Variants in RIOK3 observed in about 807,000 individuals in gnomAD.
The protein encoded by RIOK3 is RIO kinase 3, also known as serine/threonine-protein kinase RIO3.
RIOK3 carries 40 observed loss-of-function variants against 63.5 expected under a neutral mutation model. The ratio of observed to expected loss-of-function variants is 0.63; its 90% confidence interval spans 0.49 to 0.82. The LOEUF is 0.82. RIOK3 is among the 40% of genes least tolerant of loss of function. The pLI is 0.00. For missense variants in RIOK3, 557 were observed against 637.0 expected (o/e 0.87, Z 1.35); for synonymous variants, 193 against 205.0 (o/e 0.94, Z 0.50).
intron 9 of RIOK3, among the ~76,000 whole-genome samples, chr18:23,475,941 C>CTTTTT (rs374984418): frequency 2.5e-5 from 2 of 80,018 alleles, no homozygotes; most frequent in Non-Finnish European, 4.8e-5. Context: ...TTTTTTGGGG[C>CTTTTT]TTTTTTTTTT....
rs542259930 is a variant in RIOK3 at position 23,453,379 on chromosome 18, G to A, written c.-61G>A. ...CCCGTGTCCCGCCTGTCTCCTCGGCGGAGCCTGCTGCCCGTCCTGCCACCT... is the reference window on the plus strand; with the variant it reads ...CCCGTGTCCCGCCTGTCTCCTCGGCAGAGCCTGCTGCCCGTCCTGCCACCT... On this transcript the variant is annotated 5_prime_UTR_variant, in exon 1 of 13. Transcript: ENST00000339486. 1 of 1,372,554 alleles carries A rather than the reference G, an allele frequency of 7.3e-7. No homozygotes were observed. The highest frequency in any genetic ancestry group is 2.3e-5 in the East Asian group (1 of 43,578). The allele number at this position is 1,372,554 out of a possible 1,614,324, so 85.0% of individuals were successfully genotyped here.
intron 1 of RIOK3, among the ~76,000 whole-genome samples, chr18:23,460,538 A>AT (rs935080635): frequency 3.3e-4 from 50 of 152,320 alleles, no homozygotes; most frequent in African/African-American, 1.2e-3. Flanking sequence ...TTGTTGTGTG[A>AT]TTTAAGTAAT....
chr18:23,479,382 C>G lies in RIOK3; in HGVS notation c.1410C>G (p.Gly470=), dbSNP rs1250827099. ...SERELFNAVS[G]LNITADNEAD... Reference sequence around the variant, plus strand: ...GAGAACTCTTCAATGCTGTTTCAGGCTTAAACATCACAGCAGATAATGAAG... The same window carrying G: ...GAGAACTCTTCAATGCTGTTTCAGGGTTAAACATCACAGCAGATAATGAAG... The change falls in exon 12 of 13, where the codon GGC becomes GGG. Residue 470 remains glycine, a synonymous_variant. Transcript: ENST00000339486. The G allele has an allele frequency of 1.2e-6, 2 of 1,613,674 alleles. No homozygotes were observed. The highest frequency in any genetic ancestry group is 1.7e-6 in the Non-Finnish European group (2 of 1,179,770).
At chr18:23,466,847 A>G (rs1197507569) in intron 6 of RIOK3, among the ~76,000 whole-genome samples, 1 of 151,274 alleles carries the variant, frequency 6.6e-6, no homozygotes, top group Non-Finnish European at 1.5e-5. Flanking sequence ...CAAAAGTTTT[A>G]AAAAATTAGC....
In RIOK3 at chr18:23,473,599, C is replaced by G. The variant is rs1163700058; in HGVS notation, c.986C>G (p.Ala329Gly). 2.5e-6 allele frequency: 4 copies of G among 1,612,658 alleles called. No homozygotes were observed. The highest frequency in any genetic ancestry group is 1.3e-5 in the African/African-American group (1 of 74,836). The change falls in exon 8 of 13, where the codon GCA becomes GGA. Residue 329 changes from alanine to glycine, a missense_variant. Physicochemically the swap from Ala to Gly is moderately conservative, Grantham distance 60. Coordinates refer to ENST00000339486, the MANE Select transcript of RIOK3 (RefSeq NM_003831.5). ...CCACGTAAGATCATCCGCATGTGGG[C>G]AGAAAAAGAAATGCACAATCTCGCA... The part of the protein sequence containing the change: ...LNPRKIIRMW[A>G]EKEMHNLARM...
chr18:23,457,344 G>A (rs1288359751), intron 1 of RIOK3, among the ~76,000 whole-genome samples: 2 of 152,164 alleles, frequency 1.3e-5, no homozygotes, highest in Non-Finnish European at 2.9e-5. Context: ...CCTCAAAACT[G>A]TCAAAGTTAT....
intron 9 of RIOK3, among the ~76,000 whole-genome samples, chr18:23,475,913 C>T (rs2057486935): frequency 7.7e-6 from 1 of 130,344 alleles, no homozygotes. Context: ...AGTTTGTGAG[C>T]TTTCATGAAT....
In RIOK3 at chr18:23,473,425, T is replaced by A. The variant is rs1342343227; in HGVS notation, c.816-4T>A. On this transcript the variant is annotated splice_region_variant and splice_polypyrimidine_tract_variant and intron_variant, in intron 7 of 12. Coordinates refer to ENST00000339486, the MANE Select transcript of RIOK3 (RefSeq NM_003831.5). Reference sequence around the variant, plus strand: ...ACTGACTTGATTTTTTTTCTTCCACTTAGCATGGAGGATGAAAAGGAAGAT... The same window carrying A: ...ACTGACTTGATTTTTTTTCTTCCACATAGCATGGAGGATGAAAAGGAAGAT... 1 of 1,595,434 alleles carries A rather than the reference T, an allele frequency of 6.3e-7. No individual in the cohort carries two copies. Among genetic ancestry groups the A allele is most frequent in the Admixed American group, 1.7e-5 (1 of 58,130 alleles).
At chr18:23,469,324 T>TCC (rs1295401025) in intron 7 of RIOK3, among the ~76,000 whole-genome samples, 1 of 30,896 alleles carries the variant, frequency 3.2e-5, no homozygotes, top group African/African-American at 1.5e-4. Flanking sequence ...TCTCTCTCTC[T>TCC]CTCTCTCTCT....
intron 1 of RIOK3, among the ~76,000 whole-genome samples, chr18:23,453,860 GA>G (rs1391011488): frequency 1.3e-5 from 2 of 152,212 alleles, no homozygotes. Context: ...TGAGTCAGCC[GA>G]ATACACAGCT....
Position 23,464,120 on chromosome 18 carries a change from A to C in RIOK3, c.325+8A>C, listed in dbSNP as rs747394674. On this transcript the variant is annotated splice_region_variant and intron_variant, in intron 3 of 12. Transcript: ENST00000339486. ...TCAATGGAGATAGCAAAGGTATTAT[A>C]ACCTTATTGTGACAACTTCATTGAG... 6.2e-7 allele frequency: 1 copy of C among 1,609,104 alleles called. No individual in the cohort carries two copies. Among genetic ancestry groups the C allele is most frequent in the South Asian group, 1.1e-5 (1 of 90,464 alleles).
chr18:23,455,090 G>A (rs560951066), intron 1 of RIOK3, among the ~76,000 whole-genome samples: 15 of 142,422 alleles, frequency 1.1e-4, no homozygotes, highest in Non-Finnish European at 2.0e-4. Context: ...TTATTTATTT[G>A]AGACGGAGTC....
intron 11 of RIOK3, 118 bp from the exon 12 acceptor site, chr18:23,479,199 G>T (rs2057514580): frequency 1.6e-6 from 1 of 632,522 alleles, no homozygotes; most frequent in Non-Finnish European, 2.9e-6. Context: ...GTGTGTGTGT[G>T]TGCGTGTGCA....
chr18:23,476,675 G>A (rs911742440), intron 9 of RIOK3, among the ~76,000 whole-genome samples: 5 of 152,172 alleles, frequency 3.3e-5, no homozygotes, highest in Admixed American at 2.6e-4. Flanking sequence ...CTGGGAGGCC[G>A]AGGTGGGCAG....
chr18:23,464,421 A>C (rs2057392630), intron 4 of RIOK3, 98 bp from the exon 5 acceptor site: 1 of 1,157,874 alleles, frequency 8.6e-7, no homozygotes, highest in African/African-American at 1.6e-5. Flanking sequence ...TCATTTGGTA[A>C]TTTACTCTTA....
In RIOK3 at chr18:23,467,820, A is replaced by G. The variant is rs573892916; in HGVS notation, c.815+294A>G. Among the ~76,000 whole-genome samples the G allele has an allele frequency of 3.4e-4, 52 of 152,142 alleles. 2 individuals are homozygous for G. In the South Asian group the frequency reaches 0.011, roughly 32 times the overall value. ...AGATGGAGTTTCACTCTTGTTCCCCAGGCTGGAGTGCAGTGGCGTGATCTT... is the reference window on the plus strand; with the variant it reads ...AGATGGAGTTTCACTCTTGTTCCCCGGGCTGGAGTGCAGTGGCGTGATCTT... On this transcript the variant is annotated intron_variant, in intron 7 of 12. Transcript: ENST00000339486.
chr18:23,480,756 C>A (rs1057400501), intron 12 of RIOK3, among the ~76,000 whole-genome samples: 9 of 151,958 alleles, frequency 5.9e-5, no homozygotes, highest in African/African-American at 2.2e-4. Context: ...GAGTTTGAGA[C>A]CAGCCTGAGC....
chr18:23,453,340 TCAG>T lies in RIOK3; in HGVS notation c.-95_-93del. ...GCCATCTGTCACCTCCACTCCGGCA[TCAG>T]CAGCCAGTCGCCCGTGTCCCGCCTG... is the stretch of plus-strand genomic sequence containing the variant. On this transcript the variant is annotated 5_prime_UTR_variant, in exon 1 of 13. Transcript: ENST00000339486. 1.0e-6 allele frequency: 1 copy of T among 988,342 alleles called. No homozygotes were observed. Among genetic ancestry groups the T allele is most frequent in the African/African-American group, 1.6e-5 (1 of 63,152 alleles). 61.2% of individuals were successfully genotyped at this position (988,342 alleles called of 1,614,324 possible).
At chr18:23,472,051 G>A (rs888131668) in intron 7 of RIOK3, among the ~76,000 whole-genome samples, 4 of 152,076 alleles carry the variant, frequency 2.6e-5, no homozygotes, top group Non-Finnish European at 4.4e-5. Flanking sequence ...TGGCCAACAT[G>A]GTGAAACCCC....
Sources: gnomAD v4.1 joint callset for allele counts (sites outside exome capture counted in the v4.1 genomes callset) on GRCh38, gnomAD v4.1.1 for gene constraint, MANE v1.5 for transcripts, NCBI Gene and HGNC (gene_info 2026-07-23, HGNC 2026-07-21) for gene names.